KIAA1217: variants seen among roughly 807,000 people sequenced by gnomAD.
KIAA1217 encodes the protein KIAA1217.
Under a neutral mutation model 163.9 loss-of-function variants are expected in KIAA1217, and 88 were observed. That is an observed-to-expected ratio of 0.54 (90% CI 0.45 to 0.64). The LOEUF (loss-of-function observed/expected upper bound fraction) is 0.64, where lower values mean the gene tolerates loss of function less well. Ranked by LOEUF, KIAA1217 falls within the 30% of genes least tolerant of loss-of-function variation. The probability of loss-of-function intolerance (pLI) is 0.00; values close to 1 mark genes in which losing one functional copy is unlikely to be tolerated. For synonymous variants in KIAA1217, 903 were observed against 923.1 expected, an observed-to-expected ratio of 0.98 and a Z score of 0.39; for missense variants, 2,372 against 2,475.0, an observed-to-expected ratio of 0.96 and a Z score of 0.88.
chr10:24,015,038 T>C (rs1007285340), intron 2 of KIAA1217, among the ~76,000 whole-genome samples: 3 of 152,124 alleles, frequency 2.0e-5, no homozygotes, highest in Non-Finnish European at 4.4e-5. Flanking sequence ...CATGTAGTTA[T>C]CAAAATTGTC....
chr10:24,206,808 C>T (rs1459730807), upstream of KIAA1217, among the ~76,000 whole-genome samples: 1 of 152,114 alleles, frequency 6.6e-6, no homozygotes, highest in African/African-American at 2.4e-5. Flanking sequence ...GGGCAGTGGG[C>T]TTGGCCCGTA....
intron 1 of KIAA1217, among the ~76,000 whole-genome samples, chr10:23,916,732 G>A (rs1022887714): frequency 1.3e-5 from 2 of 152,100 alleles, no homozygotes; most frequent in African/African-American, 4.8e-5. Flanking sequence ...TCAGCACTTA[G>A]GGAGGCTGAG....
intron 1 of KIAA1217, among the ~76,000 whole-genome samples, chr10:23,808,122 G>A (rs745598749): frequency 1.3e-5 from 2 of 152,228 alleles, no homozygotes; most frequent in African/African-American, 2.4e-5. Context: ...ATGTGGTGGG[G>A]AACCCAGTAC....
intron 1 of KIAA1217, among the ~76,000 whole-genome samples, chr10:23,793,157 G>A (rs16923857): frequency 0.19 from 28,323 of 151,920 alleles, 2,743 homozygotes; most frequent in Middle Eastern, 0.27. Context: ...AGGAATGTGC[G>A]CGCTTCAGTC....
intron 1 of KIAA1217, among the ~76,000 whole-genome samples, chr10:23,852,466 T>A (rs1163566974): frequency 6.6e-6 from 1 of 152,194 alleles, no homozygotes; most frequent in Non-Finnish European, 1.5e-5. Context: ...CCAGCTTTGT[T>A]CTTTTGGCTT....
intron 2 of KIAA1217, among the ~76,000 whole-genome samples, chr10:24,047,985 G>A (rs1374459044): frequency 6.6e-6 from 1 of 152,106 alleles, no homozygotes; most frequent in Non-Finnish European, 1.5e-5. Flanking sequence ...TCCATTGATA[G>A]GACTTATACT....
intron 1 of KIAA1217, among the ~76,000 whole-genome samples, chr10:23,946,858 C>T (rs1331460042): frequency 6.6e-6 from 1 of 152,106 alleles, no homozygotes; most frequent in Admixed American, 6.6e-5. Context: ...GCTGTGTCCC[C>T]ACCCAAATCT....
At chr10:24,444,197 A>G (rs933585665) in intron 5 of KIAA1217, among the ~76,000 whole-genome samples, 1 of 152,090 alleles carries the variant, frequency 6.6e-6, no homozygotes, top group Admixed American at 6.5e-5. Context: ...TTTTTACTAG[A>G]GACGGGGTTT....
chr10:24,440,187 G>T (rs1425607612), intron 5 of KIAA1217, among the ~76,000 whole-genome samples: 1 of 152,178 alleles, frequency 6.6e-6, no homozygotes, highest in African/African-American at 2.4e-5. Context: ...AGAAATTCTA[G>T]GATTTTCAGC....
intron 20 of KIAA1217, chr10:24,545,563 C>A: frequency 1.5e-6 from 2 of 1,351,678 alleles, no homozygotes; most frequent in South Asian, 2.0e-5. Flanking sequence ...ACCTGGCACA[C>A]AGGAAATGGT....
intron 3 of KIAA1217, among the ~76,000 whole-genome samples, chr10:24,428,033 A>G (rs576511517): frequency 6.6e-6 from 1 of 151,344 alleles, no homozygotes; most frequent in Non-Finnish European, 1.5e-5. Context: ...ACCCTGAGGT[A>G]ACTATAGTTT....
In KIAA1217 at chr10:24,400,958, A is replaced by AACACACACACACACACAC. The variant is rs1409004077; in HGVS notation, c.553+19894_553+19895insCACACACACACACACACA. ...AAATAACACAAAATTCCAAGCAAGAAACATACACACACACACACACACACA... is the reference window on the plus strand; with the variant it reads ...AAATAACACAAAATTCCAAGCAAGAAACACACACACACACACACACATACACACACACACACACACACA... On this transcript the variant is annotated intron_variant, in intron 3 of 20. Coordinates refer to ENST00000376454, the MANE Select transcript of KIAA1217 (RefSeq NM_019590.5). Among the ~76,000 whole-genome samples the AACACACACACACACACAC allele has an allele frequency of 8.9e-5, 8 of 89,848 alleles. No individual in the cohort carries two copies. In the African/African-American group the frequency reaches 9.3e-4, roughly 10 times the overall value. The allele number at this position is 89,848 out of a possible 152,430, so 58.9% of individuals were successfully genotyped here. A position where few individuals can be genotyped will look rare whatever the true frequency, so the allele number is the denominator to read the frequency against.
chr10:24,067,707 C>T (rs1249922204), intron 2 of KIAA1217, among the ~76,000 whole-genome samples: 1 of 152,242 alleles, frequency 6.6e-6, no homozygotes, highest in Non-Finnish European at 1.5e-5. Flanking sequence ...GAGGTTATTG[C>T]TGTCTTTTGT....
intron 3 of KIAA1217, among the ~76,000 whole-genome samples, chr10:24,416,705 C>CCA (rs2058281854): frequency 6.6e-6 from 1 of 152,140 alleles, no homozygotes; most frequent in South Asian, 2.1e-4. Context: ...AGGGTCCCCC[C>CCA]CACATCCCAG....
At chr10:24,345,754 C>T (rs908565413) in intron 2 of KIAA1217, among the ~76,000 whole-genome samples, 1 of 149,204 alleles carries the variant, frequency 6.7e-6, no homozygotes, top group Non-Finnish European at 1.5e-5. Context: ...TCGCTTTTTT[C>T]CCCCTTTCTC....
intron 2 of KIAA1217, among the ~76,000 whole-genome samples, chr10:24,187,550 G>T (rs2066496826): frequency 6.6e-6 from 1 of 152,174 alleles, no homozygotes. Flanking sequence ...CTGAGGGGGT[G>T]GGCCTCCTGC....
At chr10:24,267,895 G>A (rs2076389131) in intron 2 of KIAA1217, among the ~76,000 whole-genome samples, 1 of 152,188 alleles carries the variant, frequency 6.6e-6, no homozygotes. Flanking sequence ...AAATTTGGGT[G>A]TGGGTTAAAT....
chr10:24,189,226 G>T (rs145963793), intron 2 of KIAA1217, among the ~76,000 whole-genome samples: 2 of 151,986 alleles, frequency 1.3e-5, no homozygotes, highest in African/African-American at 4.8e-5. Context: ...CATTGAAAGC[G>T]CTTGACCTGC....
chr10:24,248,050 C>T (rs1210170735), intron 2 of KIAA1217, among the ~76,000 whole-genome samples: 2 of 152,180 alleles, frequency 1.3e-5, no homozygotes, highest in Admixed American at 1.3e-4. Context: ...ATCTCACACA[C>T]CTACGCAGGA....
Sources: allele counts gnomAD v4.1 joint callset (sites outside exome capture counted in the v4.1 genomes callset), GRCh38; gene constraint gnomAD v4.1.1; transcripts MANE v1.5; gene names NCBI Gene and HGNC (gene_info 2026-07-23, HGNC 2026-07-21).